NR4A2: variants seen among roughly 807,000 people sequenced by gnomAD.
The protein encoded by NR4A2 is NGFI-B/nur77 beta-type transcription factor homolog.
In NR4A2, 1 loss-of-function variant was observed where a neutral mutation model predicts 50.5. That is an observed-to-expected ratio of 0.02 (90% confidence interval 0.01 to 0.09). NR4A2 has a LOEUF of 0.09. Ranked by LOEUF, NR4A2 falls within the 10% of genes least tolerant of loss-of-function variation. The pLI, the probability that NR4A2 is intolerant of heterozygous loss-of-function variation, is 1.00. For synonymous variants in NR4A2, 328 were observed against 309.4 expected, an observed-to-expected ratio of 1.06 and a Z score of -0.63; for missense variants, 613 against 777.3, an observed-to-expected ratio of 0.79 and a Z score of 2.51.
Position 156,326,277 on chromosome 2 carries a change from G to C in NR4A2, c.1413C>G (p.His471Gln). ...KLIFCNGVVL[H>Q]RLQCVRGFGE... ...CAAAGCCACGAACGCATTGCAACCT[G>C]TGCAAGACCACCCCATTGCAAAAGA... The change falls in exon 7 of 8, where the codon CAC becomes CAG. Residue 471 changes from histidine to glutamine, a missense_variant. By Grantham distance (24) the His-to-Gln change is conservative. Coordinates refer to ENST00000339562, the MANE Select transcript of NR4A2 (RefSeq NM_006186.4). This position sits in a 1 kb window ranked among gnomAD's most constrained non-coding sequence, Gnocchi z 4.2. 6.2e-7 allele frequency: 1 copy of C among 1,614,218 alleles called. No homozygotes were observed. Among genetic ancestry groups the C allele is most frequent in the Non-Finnish European group, 8.5e-7 (1 of 1,180,034 alleles).
At position 156,328,054 on chromosome 2, in the gene NR4A2, C is replaced by T; in HGVS notation, c.995-40G>A. On this transcript the variant is annotated intron_variant, in intron 4 of 7. Transcript: ENST00000339562. The surrounding 1 kb of genome is among the most constrained non-coding windows in gnomAD (Gnocchi z 4.9). Reference sequence around the variant, plus strand: ...CCCTGTTAGCGCCGCTTTTCCGAGCCCAGGCCCAGCTGCTGCCTCGGTCCC... The same window carrying T: ...CCCTGTTAGCGCCGCTTTTCCGAGCTCAGGCCCAGCTGCTGCCTCGGTCCC... 6.3e-7 allele frequency: 1 copy of T among 1,584,078 alleles called. No individual in the cohort carries two copies. The highest frequency in any genetic ancestry group is 1.1e-5 in the South Asian group (1 of 87,456).
In NR4A2 at chr2:156,330,663, C is replaced by A; in HGVS notation, c.-3+5G>T. On this transcript the variant is annotated splice_donor_5th_base_variant and intron_variant, in intron 2 of 7. Transcript: ENST00000339562. The stretch of plus-strand genomic sequence containing the variant: ...AGTAAAGGAAAGAAATGAAGTTGCA[C>A]TAACCTTCAGCCGAGTTACAGGCGT... 3 of 1,285,474 alleles carry A rather than the reference C, an allele frequency of 2.3e-6. No individual in the cohort carries two copies. Among genetic ancestry groups the A allele is most frequent in the Non-Finnish European group, 2.9e-6 (3 of 1,017,728 alleles). The allele number at this position is 1,285,474 out of a possible 1,614,324, so 79.6% of individuals were successfully genotyped here.
In NR4A2 at chr2:156,327,854, G is replaced by C. The variant is rs748802269; in HGVS notation, c.1155C>G (p.Ser385=). Residue 385 remains serine, a synonymous_variant, in exon 5 of 8, where the codon TCC becomes TCG. Coordinates refer to ENST00000339562, the MANE Select transcript of NR4A2 (RefSeq NM_006186.4). ...ATCCCCCCCGCCAGCTTCTTACCCTGGAATAGTCCAGGCTGGTCATAGCCG... is the reference window on the plus strand; with the variant it reads ...ATCCCCCCCGCCAGCTTCTTACCCTCGAATAGTCCAGGCTGGTCATAGCCG... ...SNPAMTSLDY[S]RFQANPDYQM... is the part of the protein sequence containing the mutation. The C allele has an allele frequency of 1.3e-6, 2 of 1,579,820 alleles. No individual in the cohort carries two copies. Among genetic ancestry groups the C allele is most frequent in the South Asian group, 2.3e-5 (2 of 86,384 alleles).
In NR4A2 at chr2:156,325,644, G is replaced by T; in HGVS notation, c.*100C>A. ...GTTACAGAAATGGGGGGCAGCTTGA[G>T]CTGAGACTGCTCACACGGCTATCTC... On this transcript the variant is annotated 3_prime_UTR_variant, in exon 8 of 8. Transcript: ENST00000339562. The T allele has an allele frequency of 6.8e-7, 1 of 1,466,174 alleles. No individual in the cohort carries two copies. The highest frequency in any genetic ancestry group is 9.5e-7 in the Non-Finnish European group (1 of 1,047,534). 90.8% of individuals were successfully genotyped at this position (1,466,174 alleles called of 1,614,324 possible).
rs924446111 is a variant in NR4A2 at position 156,329,280 on chromosome 2, T to C, written c.864+43A>G. The C allele has an allele frequency of 1.3e-6, 2 of 1,590,048 alleles. No homozygotes were observed. Among genetic ancestry groups the C allele is most frequent in the Non-Finnish European group, 1.7e-6 (2 of 1,168,520 alleles). On this transcript the variant is annotated intron_variant, in intron 3 of 7. Coordinates refer to ENST00000339562, the MANE Select transcript of NR4A2 (RefSeq NM_006186.4). The surrounding 1 kb of genome is among the most constrained non-coding windows in gnomAD (Gnocchi z 7.5). ...GGGCACACTCCGAGGTCCCGGGCAC[T>C]AGGGGCTCCCTACCTGCCTACTCCG... is the stretch of plus-strand genomic sequence containing the variant.
chr2:156,326,379 C>A lies in NR4A2; in HGVS notation c.1362-51G>T. Reference sequence around the variant, plus strand: ...GGGGAGAAAAAGAGAGAGAGAAAAGCTAAACAACTAATTACTTGAAGAGCA... The same window carrying A: ...GGGGAGAAAAAGAGAGAGAGAAAAGATAAACAACTAATTACTTGAAGAGCA... On this transcript the variant is annotated intron_variant, in intron 6 of 7. Coordinates refer to ENST00000339562, the MANE Select transcript of NR4A2 (RefSeq NM_006186.4). The surrounding 1 kb of genome is among the most constrained non-coding windows in gnomAD (Gnocchi z 4.2). 2.0e-6 allele frequency: 3 copies of A among 1,496,816 alleles called. No individual in the cohort carries two copies. Among genetic ancestry groups the A allele is most frequent in the Non-Finnish European group, 2.8e-6 (3 of 1,073,450 alleles). 92.7% of individuals were successfully genotyped at this position (1,496,816 alleles called of 1,614,324 possible).
At chr2:156,327,149 G>A (rs1686687572) in intron 5 of NR4A2, among the ~76,000 whole-genome samples, 1 of 152,108 alleles carries the variant, frequency 6.6e-6, no homozygotes, top group South Asian at 2.1e-4. Context: ...TAAATACAGT[G>A]CCATCCAGCC....
chr2:156,325,676 T>C lies in NR4A2; in HGVS notation c.*68A>G, dbSNP rs759748013. On this transcript the variant is annotated 3_prime_UTR_variant, in exon 8 of 8. Transcript: ENST00000339562. Reference sequence around the variant, plus strand: ...CTGCTCACACGGCTATCTCTGCCCATGTGACTTGCCCCCTCTTGACAGTTT... The same window carrying C: ...CTGCTCACACGGCTATCTCTGCCCACGTGACTTGCCCCCTCTTGACAGTTT... 6.3e-7 allele frequency: 1 copy of C among 1,598,966 alleles called. No individual in the cohort carries two copies. The highest frequency in any genetic ancestry group is 1.3e-5 in the African/African-American group (1 of 74,734).
At chr2:156,330,858 C>G (rs938259772) in intron 1 of NR4A2, 67 bp from the exon 2 acceptor site, 10 of 1,230,428 alleles carry the variant, frequency 8.1e-6, no homozygotes, top group Non-Finnish European at 1.0e-5. Flanking sequence ...CATATGTAGA[C>G]TCACCAGGCA....
rs1391073744 is a variant in NR4A2 at position 156,328,246 on chromosome 2, AG to A, written c.994+157del. Among the ~76,000 whole-genome samples the A allele has an allele frequency of 6.6e-6, 1 of 152,236 alleles. No individual in the cohort carries two copies. Among genetic ancestry groups the A allele is most frequent in the Non-Finnish European group, 1.5e-5 (1 of 68,044 alleles). Reference sequence around the variant, plus strand: ...AGAGAAGGGCCTGGCGGCTTTCTCTAGGGAAGGCCGGGCAAGCAGGCAGCTG... The same window carrying A: ...AGAGAAGGGCCTGGCGGCTTTCTCTAGGAAGGCCGGGCAAGCAGGCAGCTG... On this transcript the variant is annotated intron_variant, in intron 4 of 7. Transcript: ENST00000339562. This position sits in a 1 kb window ranked among gnomAD's most constrained non-coding sequence, Gnocchi z 4.9.
chr2:156,327,017 A>G (rs1686679635), intron 5 of NR4A2, 97 bp from the exon 6 acceptor site: 1 of 1,119,974 alleles, frequency 8.9e-7, no homozygotes, highest in South Asian at 1.3e-5. Flanking sequence ...CCAGGTTTTT[A>G]TAACAATTAA....
In NR4A2 at chr2:156,328,981, T is replaced by C. The variant is rs374313200; in HGVS notation, c.864+342A>G. Among the ~76,000 whole-genome samples, 3 of 152,262 alleles carry C rather than the reference T, an allele frequency of 2.0e-5. No homozygotes were observed. The South Asian group carries it at 6.2e-4, about 31-fold the overall frequency. ...TTAGCTCAGACACGGTTCTCTGTCC[T>C]AACCAATTTCATTCTGAACAGGGAA... On this transcript the variant is annotated intron_variant, in intron 3 of 7. Coordinates refer to ENST00000339562, the MANE Select transcript of NR4A2 (RefSeq NM_006186.4). This position sits in a 1 kb window ranked among gnomAD's most constrained non-coding sequence, Gnocchi z 4.9.
rs569665455 is a variant in NR4A2 at position 156,329,695 on chromosome 2, C to T, written c.492G>A (p.Glu164=). The T allele has an allele frequency of 8.1e-6, 13 of 1,614,034 alleles. No individual in the cohort carries two copies. Among genetic ancestry groups the T allele is most frequent in the Non-Finnish European group, 1.1e-5 (13 of 1,179,956 alleles). ...QNYVATTHMI[E]QRKTPVSRLS... ...GGCGGGAGACTGGCGTTTTCCTCTG[C>T]TCGATCATGTGCGTAGTGGCCACGT... The change falls in exon 3 of 8, where the codon GAG becomes GAA. Residue 164 remains glutamate, a synonymous_variant. Coordinates refer to ENST00000339562, the MANE Select transcript of NR4A2 (RefSeq NM_006186.4). The surrounding 1 kb of genome is among the most constrained non-coding windows in gnomAD (Gnocchi z 7.5).
In NR4A2 at chr2:156,329,386, C is replaced by A. The variant is rs1279813298; in HGVS notation, c.801G>T (p.Gly267=). ...PSNEGLCAVC[G]DNAACQHYGV... The stretch of plus-strand genomic sequence containing the variant: ...CGTAGTGTTGGCAGGCCGCGTTGTC[C>A]CCACACACAGCGCACAGCCCCTCGT... The change falls in exon 3 of 8, where the codon GGG becomes GGT. Residue 267 remains glycine (G), a synonymous_variant. Coordinates refer to ENST00000339562, the MANE Select transcript of NR4A2 (RefSeq NM_006186.4). This position sits in a 1 kb window ranked among gnomAD's most constrained non-coding sequence, Gnocchi z 7.5. 6.2e-7 allele frequency: 1 copy of A among 1,612,216 alleles called. No homozygotes were observed.
At position 156,326,698 on chromosome 2, in the gene NR4A2, CT is replaced by C. The variant is rs773597914; in HGVS notation, c.1361+19del. The C allele has an allele frequency of 5.7e-5, 86 of 1,513,212 alleles. No individual in the cohort carries two copies. The African/African-American group carries it at 2.0e-3, about 36-fold the overall frequency. The allele number at this position is 1,513,212 out of a possible 1,614,324, so 93.7% of individuals were successfully genotyped here. On this transcript the variant is annotated intron_variant, in intron 6 of 7. Transcript: ENST00000339562. The surrounding 1 kb of genome is among the most constrained non-coding windows in gnomAD (Gnocchi z 4.2). The stretch of plus-strand genomic sequence containing the variant: ...TTCTCTCACAGCCTCCCTGGATTGT[CT>C]CCCTCCCTCCCTTATTACCTGTATG...
In NR4A2 at chr2:156,326,475, G is replaced by T; in HGVS notation, c.1362-147C>A. The T allele has an allele frequency of 1.1e-6, 1 of 903,386 alleles. No homozygotes were observed. Among genetic ancestry groups the T allele is most frequent in the Non-Finnish European group, 1.8e-6 (1 of 571,132 alleles). The allele number at this position is 903,386 out of a possible 1,614,324, so 56.0% of individuals were successfully genotyped here. A position where few individuals can be genotyped will look rare whatever the true frequency, so the allele number is the denominator to read the frequency against. ...AAATGTAGACCAGTGGACCTTGAAA[G>T]GGTTTAATTTCATAACAATCAAGAA... On this transcript the variant is annotated intron_variant, in intron 6 of 7. Transcript: ENST00000339562. This position sits in a 1 kb window ranked among gnomAD's most constrained non-coding sequence, Gnocchi z 4.2.
rs1686655252 is a variant in NR4A2 at position 156,326,639 on chromosome 2, G to C, written c.1361+79C>G. ...GTCTTTTTCTCTACCCCACCCTCTGGTTTCCCTTCCTCCCTTTCTTTTCCT... is the reference window on the plus strand; with the variant it reads ...GTCTTTTTCTCTACCCCACCCTCTGCTTTCCCTTCCTCCCTTTCTTTTCCT... On this transcript the variant is annotated intron_variant, in intron 6 of 7. Transcript: ENST00000339562. The surrounding 1 kb of genome is among the most constrained non-coding windows in gnomAD (Gnocchi z 4.2). 6.8e-7 allele frequency: 1 copy of C among 1,460,788 alleles called. No individual in the cohort carries two copies. Among genetic ancestry groups the C allele is most frequent in the Non-Finnish European group, 9.5e-7 (1 of 1,047,352 alleles). The allele number at this position is 1,460,788 out of a possible 1,614,324, so 90.5% of individuals were successfully genotyped here.
intron 5 of NR4A2, 140 bp from the exon 6 acceptor site, chr2:156,327,060 T>C: frequency 1.3e-6 from 1 of 788,366 alleles, no homozygotes; most frequent in Non-Finnish European, 2.1e-6. Context: ...AATTAGATGT[T>C]CCGGGGCAAT....
In NR4A2 at chr2:156,328,606, T is replaced by C; in HGVS notation, c.865-73A>G. ...AATCAGGCAACTCGGAGAAAATTTCTGTTATGTGACTGGGGTCTACGATTC... is the reference window on the plus strand; with the variant it reads ...AATCAGGCAACTCGGAGAAAATTTCCGTTATGTGACTGGGGTCTACGATTC... On this transcript the variant is annotated intron_variant, in intron 3 of 7. Transcript: ENST00000339562. The surrounding 1 kb of genome is among the most constrained non-coding windows in gnomAD (Gnocchi z 4.9). 1 of 1,597,744 alleles carries C rather than the reference T, an allele frequency of 6.3e-7. No homozygotes were observed.
Sources: allele counts gnomAD v4.1 joint callset (sites outside exome capture counted in the v4.1 genomes callset), GRCh38; gene constraint gnomAD v4.1.1; non-coding constraint Gnocchi (gnomAD v3.1); transcripts MANE v1.5; gene names NCBI Gene and HGNC (gene_info 2026-07-23, HGNC 2026-07-21).